GPBP1: variants seen among roughly 807,000 people sequenced by gnomAD.
The protein encoded by GPBP1 is GC-rich promoter binding protein 1.
A neutral mutation model predicts 56.5 loss-of-function variants in GPBP1; 13 were observed. The observed-to-expected ratio is 0.23, with a 90% CI of 0.15 to 0.37. GPBP1 has a LOEUF of 0.37. Ranked by LOEUF, GPBP1 falls within the 10% of genes least tolerant of loss-of-function variation. GPBP1 has a pLI of 1.00. For synonymous variants in GPBP1, 204 were observed against 188.9 expected (o/e 1.08, Z -0.66); for missense variants, 477 against 572.3 (o/e 0.83, Z 1.70).
chr5:57,204,495 C>G (rs181216924), intron 2 of GPBP1, among the ~76,000 whole-genome samples: 61 of 152,188 alleles, frequency 4.0e-4, no homozygotes, highest in African/African-American at 1.4e-3. Flanking sequence ...CGGGCGATAC[C>G]CCGACCTGGG....
intron 2 of GPBP1, among the ~76,000 whole-genome samples, chr5:57,206,462 G>A (rs189497343): frequency 1.4e-3 from 207 of 152,156 alleles, no homozygotes; most frequent in African/African-American, 4.6e-3. Flanking sequence ...GTAGTAGCGC[G>A]ATCCCGGCTC....
At chr5:57,242,670 C>A (rs1470516543) in intron 6 of GPBP1, among the ~76,000 whole-genome samples, 1 of 152,076 alleles carries the variant, frequency 6.6e-6, no homozygotes, top group Non-Finnish European at 1.5e-5. Flanking sequence ...GTCTTGAACT[C>A]CTGGGCTCAA....
chr5:57,213,846 A>C (rs1202005684), intron 2 of GPBP1, among the ~76,000 whole-genome samples: 1 of 152,220 alleles, frequency 6.6e-6, no homozygotes, highest in Non-Finnish European at 1.5e-5. Flanking sequence ...CAGTTGTAAT[A>C]ACCACCGCAA....
At chr5:57,237,877 A>G (rs1409444188) in intron 6 of GPBP1, among the ~76,000 whole-genome samples, 1 of 152,100 alleles carries the variant, frequency 6.6e-6, no homozygotes, top group Non-Finnish European at 1.5e-5. Flanking sequence ...CCCTGAAACT[A>G]TAATTTTGTA....
At chr5:57,190,986 A>G (rs1055680779) in intron 2 of GPBP1, among the ~76,000 whole-genome samples, 7 of 151,344 alleles carry the variant, frequency 4.6e-5, no homozygotes, top group Non-Finnish European at 8.9e-5. Flanking sequence ...TAGGCAAAAC[A>G]TATTGTCTTG....
intron 2 of GPBP1, among the ~76,000 whole-genome samples, chr5:57,195,217 AT>A: frequency 6.6e-6 from 1 of 152,192 alleles, no homozygotes; most frequent in Admixed American, 6.5e-5. Context: ...GTGCAGTGGC[AT>A]GATCACAGCT....
chr5:57,232,833 T>G (rs1165436721), intron 5 of GPBP1, among the ~76,000 whole-genome samples: 1 of 152,232 alleles, frequency 6.6e-6, no homozygotes, highest in African/African-American at 2.4e-5. Context: ...TCAAGTGCTA[T>G]TTATTTACGG....
intron 2 of GPBP1, among the ~76,000 whole-genome samples, chr5:57,184,764 CT>C (rs1185449964): frequency 6.6e-6 from 1 of 152,180 alleles, no homozygotes; most frequent in Non-Finnish European, 1.5e-5. Flanking sequence ...AAAAAGTTAC[CT>C]TGTGTCCTCA....
intron 3 of GPBP1, among the ~76,000 whole-genome samples, chr5:57,227,838 C>T (rs1413468064): frequency 6.6e-6 from 1 of 152,112 alleles, no homozygotes; most frequent in Non-Finnish European, 1.5e-5. Flanking sequence ...ATCCCAGACT[C>T]TTGAAAGACT....
At chr5:57,262,400 A>G (rs575837018) in intron 11 of GPBP1, among the ~76,000 whole-genome samples, 194 bp from the exon 12 acceptor site, 30 of 152,310 alleles carry the variant, frequency 2.0e-4, no homozygotes, top group African/African-American at 7.2e-4. Flanking sequence ...AAATGTGGGA[A>G]AGTTTAGTAC....
intron 8 of GPBP1, among the ~76,000 whole-genome samples, chr5:57,247,943 A>G (rs930221142): frequency 1.3e-5 from 2 of 152,144 alleles, no homozygotes; most frequent in East Asian, 1.9e-4. Context: ...GGATCTTGCT[A>G]TGTTGTCCAG....
chr5:57,257,921 A>G (rs1741736265), intron 10 of GPBP1, among the ~76,000 whole-genome samples: 2 of 152,220 alleles, frequency 1.3e-5, no homozygotes, highest in African/African-American at 4.8e-5. Flanking sequence ...ACAAGCAGGC[A>G]ATTTACTCAC....
intron 2 of GPBP1, among the ~76,000 whole-genome samples, chr5:57,190,863 T>C (rs964211134): frequency 4.0e-5 from 6 of 151,748 alleles, no homozygotes; most frequent in African/African-American, 1.5e-4. Flanking sequence ...CATACCACCA[T>C]GTCTGGCTAA....
At chr5:57,221,835 A>G (rs539908593) in intron 3 of GPBP1, among the ~76,000 whole-genome samples, 1 of 152,340 alleles carries the variant, frequency 6.6e-6, no homozygotes, top group African/African-American at 2.4e-5. Context: ...GGATCAGAAA[A>G]TTCAGCCAGA....
chr5:57,217,499 G>A (rs1252515220), intron 3 of GPBP1, among the ~76,000 whole-genome samples: 3 of 150,516 alleles, frequency 2.0e-5, no homozygotes. Context: ...TTAACCGGGA[G>A]GGTGGAGGTT....
In GPBP1 at chr5:57,221,316, A is replaced by G. The variant is rs143230872; in HGVS notation, c.63+7123A>G. On this transcript the variant is annotated intron_variant, in intron 3 of 11. Coordinates refer to ENST00000506184, the MANE Select transcript of GPBP1 (RefSeq NM_022913.4). ...CTAGTTTTTTCTTTTGTGATTTTCT[A>G]GTTTTTTTAAATTCCATTAAATAAT... The G allele has an allele frequency of 7.9e-4, 939 of 1,181,774 alleles. 7 individuals are homozygous for G. The African/African-American group carries it at 0.011, about 14-fold the overall frequency. 73.2% of individuals were successfully genotyped at this position (1,181,774 alleles called of 1,614,324 possible).
intron 2 of GPBP1, among the ~76,000 whole-genome samples, chr5:57,208,314 A>T (rs953096128): frequency 7.3e-5 from 11 of 151,644 alleles, no homozygotes; most frequent in Non-Finnish European, 5.9e-5. Context: ...GCTCACTGCA[A>T]CCTCCACTTC....
intron 3 of GPBP1, among the ~76,000 whole-genome samples, chr5:57,228,814 AAACT>A (rs1452694946): frequency 1.3e-5 from 2 of 152,148 alleles, no homozygotes; most frequent in East Asian, 1.9e-4. Context: ...TGAAAAAAAA[AAACT>A]AACCATAAAG....
chr5:57,205,823 G>C (rs536880536), intron 2 of GPBP1, among the ~76,000 whole-genome samples: 134 of 152,112 alleles, frequency 8.8e-4, no homozygotes, highest in African/African-American at 3.1e-3. Flanking sequence ...TAGTGCACTG[G>C]CACTATCAAG....
Sources: allele counts gnomAD v4.1 joint callset (sites outside exome capture counted in the v4.1 genomes callset), GRCh38; gene constraint gnomAD v4.1.1; transcripts MANE v1.5; gene names NCBI Gene and HGNC (gene_info 2026-07-23, HGNC 2026-07-21).